Variants in VPS54 observed in about 807,000 individuals in gnomAD.
VPS54 encodes the protein VPS54 subunit of GARP complex.
VPS54 carries 45 observed loss-of-function variants against 121.5 expected under a neutral mutation model. That is an observed-to-expected ratio of 0.37 (90% confidence interval 0.29 to 0.47). The LOEUF (loss-of-function observed/expected upper bound fraction) is 0.47, where lower values mean the gene tolerates loss of function less well. Among genes scored for constraint, VPS54 ranks in the 20% least tolerant of loss-of-function variants. The probability of loss-of-function intolerance (pLI) is 0.99; values close to 1 mark genes in which losing one functional copy is unlikely to be tolerated. For synonymous variants in VPS54, 371 were observed against 385.8 expected (o/e 0.96, Z 0.45); for missense variants, 1,090 against 1,131.4 (o/e 0.96, Z 0.52).
At chr2:63,942,612 A>G in intron 10 of VPS54, 51 bp from the exon 11 acceptor site, 2 of 1,401,440 alleles carry the variant, frequency 1.4e-6, no homozygotes, top group Non-Finnish European at 9.7e-7. Flanking sequence ...GGGCCAATCA[A>G]TATAACATCT....
chr2:63,895,012 G>A (rs1672386037), intron 22 of VPS54, among the ~76,000 whole-genome samples: 1 of 151,978 alleles, frequency 6.6e-6, no homozygotes, highest in East Asian at 1.9e-4. Context: ...GCAATTTTTT[G>A]AATACCATTT....
At chr2:63,907,207 T>G (rs755203028) in intron 20 of VPS54, among the ~76,000 whole-genome samples, 5 of 152,300 alleles carry the variant, frequency 3.3e-5, no homozygotes, top group Non-Finnish European at 5.9e-5. Flanking sequence ...GGAGAATATC[T>G]TTGTAACTTG....
At position 63,892,354 on chromosome 2, in the gene VPS54, CTTTA is replaced by C. The variant is rs1345435337; in HGVS notation, c.*1072_*1075del. On this transcript the variant is annotated 3_prime_UTR_variant, in exon 23 of 23. Coordinates refer to ENST00000272322, the MANE Select transcript of VPS54 (RefSeq NM_016516.3). ...CTTGGTGTGAGGTGAAGCACAGGCA[CTTTA>C]TTTGTACAGTGCTGCTGATTCTAAT... 3 of 152,138 alleles carry C rather than the reference CTTTA, an allele frequency of 2.0e-5. No individual in the cohort carries two copies. Among genetic ancestry groups the C allele is most frequent in the Non-Finnish European group, 4.4e-5 (3 of 68,022 alleles). The allele number at this position is 152,138 out of a possible 1,614,324, so 9.4% of individuals were successfully genotyped here.
At chr2:63,909,161 C>G (rs1025729577) in intron 20 of VPS54, among the ~76,000 whole-genome samples, 10 of 152,198 alleles carry the variant, frequency 6.6e-5, no homozygotes, top group Admixed American at 4.6e-4. Context: ...ATTTGTAACA[C>G]TTTACATATA....
At chr2:64,003,134 C>T (rs1219291167) in intron 1 of VPS54, among the ~76,000 whole-genome samples, 1 of 151,990 alleles carries the variant, frequency 6.6e-6, no homozygotes, top group Non-Finnish European at 1.5e-5. Context: ...TCAGGATAAG[C>T]AATGATAGTT....
At chr2:63,907,420 A>G (rs1672946838) in intron 20 of VPS54, among the ~76,000 whole-genome samples, 1 of 151,744 alleles carries the variant, frequency 6.6e-6, no homozygotes. Flanking sequence ...CAAGAGGCTG[A>G]GGCAGAAGAA....
intron 7 of VPS54, among the ~76,000 whole-genome samples, chr2:63,951,964 T>C (rs1343545670): frequency 6.6e-6 from 1 of 152,206 alleles, no homozygotes; most frequent in African/African-American, 2.4e-5. Context: ...TTCTAAGTCC[T>C]TTCCTTATTA....
Position 63,981,717 on chromosome 2 carries a change from C to T in VPS54, c.307G>A (p.Val103Ile). The change falls in exon 3 of 23, where the codon GTC becomes ATC. Residue 103 changes from valine (V) to isoleucine (I), a missense_variant. Around this residue, in one of 2 missense-constraint regions of VPS54, gnomAD observed 801 missense variants for 757.0 expected, o/e 1.06. Transcript: ENST00000272322. The stretch of plus-strand genomic sequence containing the variant: ...TGTGGGAGGTAGAATGAAGGTATGA[C>T]TTCAGTGTCCACAAAGTCCAATCCC... ...TWGLDFVDTE[V>I]IPSFYLPQIS... is the part of the protein sequence containing the mutation. The T allele has an allele frequency of 1.2e-6, 2 of 1,613,546 alleles. No homozygotes were observed. The highest frequency in any genetic ancestry group is 1.3e-5 in the African/African-American group (1 of 74,994).
intron 6 of VPS54, 79 bp from the exon 7 acceptor site, chr2:63,962,522 A>G: frequency 6.9e-7 from 1 of 1,447,962 alleles, no homozygotes; most frequent in Non-Finnish European, 9.2e-7. Context: ...TGACAATGAT[A>G]AAAGATTTCT....
At chr2:63,908,753 A>G (rs1199853985) in intron 20 of VPS54, among the ~76,000 whole-genome samples, 1 of 152,208 alleles carries the variant, frequency 6.6e-6, no homozygotes, top group African/African-American at 2.4e-5. Context: ...GATACATGAT[A>G]AAAGGAAAGC....
At chr2:63,999,686 ATC>A (rs1677778804) in intron 1 of VPS54, among the ~76,000 whole-genome samples, 1 of 152,002 alleles carries the variant, frequency 6.6e-6, no homozygotes, top group Non-Finnish European at 1.5e-5. Context: ...TTTTACCCCT[ATC>A]TCTTTCTCTA....
intron 2 of VPS54, among the ~76,000 whole-genome samples, chr2:63,982,844 A>G (rs1676861481): frequency 6.6e-6 from 1 of 152,248 alleles, no homozygotes; most frequent in South Asian, 2.1e-4. Flanking sequence ...ACAAAAAGGC[A>G]GAGCTTTGTC....
intron 21 of VPS54, among the ~76,000 whole-genome samples, 169 bp from the exon 22 acceptor site, chr2:63,897,759 T>C (rs17620012): frequency 0.18 from 26,821 of 152,198 alleles, 3,139 homozygotes; most frequent in Non-Finnish European, 0.24. Context: ...CTACATTTTT[T>C]CTCCTTAGTT....
At chr2:63,908,873 C>G (rs1013190936) in intron 20 of VPS54, among the ~76,000 whole-genome samples, 1 of 152,160 alleles carries the variant, frequency 6.6e-6, no homozygotes, top group Non-Finnish European at 1.5e-5. Flanking sequence ...GCCCAAGGTC[C>G]TTCAATAGCT....
chr2:63,949,235 CTAG>C, intron 7 of VPS54, 72 bp from the exon 8 acceptor site: 1 of 1,484,562 alleles, frequency 6.7e-7, no homozygotes, highest in Admixed American at 2.2e-5. Context: ...ATCAAGGGAA[CTAG>C]TAGGTAAAAC....
rs1307656983 is a variant in VPS54, at chr2:63,893,231, T to C, written c.*199A>G. The C allele has an allele frequency of 6.0e-6, 4 of 663,776 alleles. No individual in the cohort carries two copies. Among genetic ancestry groups the C allele is most frequent in the Admixed American group, 2.1e-5 (1 of 47,422 alleles). 41.1% of individuals were successfully genotyped at this position (663,776 alleles called of 1,614,324 possible). ...AGACACCTGATCAGTTACTCCTCACTGTAGGATGCACAAAAATGACATTCC... is the reference window on the plus strand; with the variant it reads ...AGACACCTGATCAGTTACTCCTCACCGTAGGATGCACAAAAATGACATTCC... On this transcript the variant is annotated 3_prime_UTR_variant, in exon 23 of 23. Transcript: ENST00000272322.
intron 16 of VPS54, 50 bp downstream of exon 16, chr2:63,916,850 T>C (rs772038812): frequency 1.3e-6 from 2 of 1,568,642 alleles, no homozygotes; most frequent in Non-Finnish European, 1.8e-6. Context: ...ACTAGAAGAC[T>C]TGTGTTTTAA....
At chr2:63,939,254 C>A (rs545738345) in intron 11 of VPS54, among the ~76,000 whole-genome samples, 11 of 152,190 alleles carry the variant, frequency 7.2e-5, no homozygotes, top group Middle Eastern at 6.8e-3. Flanking sequence ...CGCCTATAAT[C>A]CCAGCTACTC....
In VPS54 at chr2:63,928,471, T is replaced by G. The variant is rs192856375; in HGVS notation, c.1739+5202A>C. On this transcript the variant is annotated intron_variant, in intron 12 of 22. Coordinates refer to ENST00000272322, the MANE Select transcript of VPS54 (RefSeq NM_016516.3). The stretch of plus-strand genomic sequence containing the variant: ...ACAAGCAAATGCTGAGAGATTTTTG[T>G]CACCACCAGGCCTGCCTTACAAGAG... Among the ~76,000 whole-genome samples, 6 of 152,290 alleles carry G rather than the reference T, an allele frequency of 3.9e-5. No homozygotes were observed. In the East Asian group the frequency reaches 1.2e-3, roughly 29 times the overall value.
Sources: gnomAD v4.1 joint callset for allele counts (sites outside exome capture counted in the v4.1 genomes callset) on GRCh38, gnomAD v4.1.1 for gene constraint, gnomAD v4.1.1 regional missense constraint, MANE v1.5 for transcripts, NCBI Gene and HGNC (gene_info 2026-07-23, HGNC 2026-07-21) for gene names.